The following KLHL4 variants were observed in gnomAD, a reference collection of about 807,000 sequenced individuals.
KLHL4 encodes kelch-like protein 4.
KLHL4 carries 17 observed loss-of-function variants against 45.8 expected under a neutral mutation model. That is an observed-to-expected ratio of 0.37 (90% CI 0.25 to 0.56). KLHL4 has a LOEUF of 0.56. Among genes scored for constraint, KLHL4 ranks in the 20% least tolerant of loss-of-function variants. The pLI is 0.79. For missense variants in KLHL4, 544 were observed against 544.9 expected (o/e 1.00, Z 0.02); for synonymous variants, 224 against 189.9 (o/e 1.18, Z -1.47).
At chrX:87,633,993 T>C in intron 8 of KLHL4, 82 bp downstream of exon 8, 1 of 803,690 alleles carries the variant, frequency 1.2e-6, no homozygotes. Context: ...TCCAATCAAT[T>C]AGCATTCCAA....
At chrX:87,616,793 T>C (rs1922570766) in intron 3 of KLHL4, among the ~76,000 whole-genome samples, 1 of 111,588 alleles carries the variant, frequency 9.0e-6, no homozygotes, top group Non-Finnish European at 1.9e-5. Context: ...TCTCATGAGA[T>C]ATGGGCAGGG....
intron 1 of KLHL4, among the ~76,000 whole-genome samples, chrX:87,599,379 T>C (rs1019510935): frequency 1.8e-5 from 2 of 111,672 alleles, no homozygotes; most frequent in African/African-American, 6.5e-5. Flanking sequence ...AAACTCAGCC[T>C]AGAAAGTATA....
chrX:87,623,409 T>G lies in KLHL4; in HGVS notation c.1137+986T>G, dbSNP rs376194782. 1.2e-4 allele frequency among the ~76,000 whole-genome samples: 12 copies of G among 102,205 alleles called. No individual in the cohort carries two copies. The East Asian group carries it at 2.7e-3, about 23-fold the overall frequency. 88.8% of individuals were successfully genotyped at this position (102,205 alleles called of 115,157 possible). A position where few individuals can be genotyped will look rare whatever the true frequency, so the allele number is the denominator to read the frequency against. On this transcript the variant is annotated intron_variant, in intron 5 of 10. Transcript: ENST00000373119. ...CCCTAGTTCAAGCGATTCTCCTGCC[T>G]CAGCCTCCCAAGTAGCTGGGATTAC... is the stretch of plus-strand genomic sequence containing the variant.
rs1234054923 is a variant in KLHL4 at position 87,635,775 on chromosome X, G to A, written c.1925G>A (p.Arg642Gln). Residue 642 changes from arginine to glutamine, a missense_variant and splice_region_variant, in exon 9 of 11, where the codon CGG (arginine) becomes CAG (glutamine). By Grantham distance (43) the Arg-to-Gln change is conservative (BLOSUM62 1). Coordinates refer to ENST00000373119, the MANE Select transcript of KLHL4 (RefSeq NM_019117.5). ...HCSRLSDCVE[R>Q]YDPKGDSWST... ...TCCAGGCTTTCTGACTGTGTGGAAC[G>A]GTAAGTTTTTTCTATTTCCTTCTGT... The A allele has an allele frequency of 1.3e-5, 15 of 1,131,342 alleles. No homozygotes were observed. The highest frequency in any genetic ancestry group is 9.3e-5 in the East Asian group (3 of 32,189). The allele number at this position is 1,131,342 out of a possible 1,213,427, so 93.2% of individuals were successfully genotyped here. A position where few individuals can be genotyped will look rare whatever the true frequency, so the allele number is the denominator to read the frequency against.
At chrX:87,535,361 G>A (rs1931405402) in intron 1 of KLHL4, among the ~76,000 whole-genome samples, 1 of 111,808 alleles carries the variant, frequency 8.9e-6, no homozygotes, top group Non-Finnish European at 1.9e-5. Flanking sequence ...GAAGATACTA[G>A]AAAGTGCTTA....
chrX:87,533,560 G>A (rs193121332), intron 1 of KLHL4, among the ~76,000 whole-genome samples: 2 of 102,764 alleles, frequency 1.9e-5, no homozygotes, highest in East Asian at 3.1e-4. Context: ...GTTGTGGGGT[G>A]GGGTGAGGGG....
chrX:87,576,293 C>T (rs1167219393), intron 1 of KLHL4, among the ~76,000 whole-genome samples: 1 of 111,301 alleles, frequency 9.0e-6, no homozygotes, highest in Non-Finnish European at 1.9e-5. Context: ...CTGAAAAATA[C>T]ATTATATGTA....
chrX:87,667,014 C>T lies in KLHL4; in HGVS notation c.*480C>T. 1.4e-6 allele frequency: 1 copy of T among 727,826 alleles called. No individual in the cohort carries two copies. The highest frequency in any genetic ancestry group is 8.0e-4 in the Middle Eastern group (1 of 1,251). 60.0% of individuals were successfully genotyped at this position (727,826 alleles called of 1,213,427 possible). On this transcript the variant is annotated 3_prime_UTR_variant, in exon 11 of 11. Transcript: ENST00000373119. ...TGATTTTTAGTAAGCCATTATTCTC[C>T]TATTCAAATAATATCCCAAAGAGCT...
At chrX:87,580,914 C>T (rs751628064) in intron 1 of KLHL4, among the ~76,000 whole-genome samples, 12 of 111,906 alleles carry the variant, frequency 1.1e-4, no homozygotes, top group Non-Finnish European at 2.1e-4. Context: ...TCCAGCCACC[C>T]CCACTCACAT....
chrX:87,668,932 C>G lies in KLHL4; in HGVS notation c.*2398C>G, dbSNP rs778343855. On this transcript the variant is annotated 3_prime_UTR_variant, in exon 11 of 11. Transcript: ENST00000373119. ...TTAAGCCTCAGAAAATGAACTAAGA[C>G]AATGCCCTAGATGAGCTGCCAAAAT... 1 of 753,924 alleles carries G rather than the reference C, an allele frequency of 1.3e-6. No homozygotes were observed. The allele number at this position is 753,924 out of a possible 1,213,427, so 62.1% of individuals were successfully genotyped here.
rs181722308 is a variant in KLHL4, at chrX:87,581,236, C to T, written c.423-32641C>T. On this transcript the variant is annotated intron_variant, in intron 1 of 10. Coordinates refer to ENST00000373119, the MANE Select transcript of KLHL4 (RefSeq NM_019117.5). Reference sequence around the variant, plus strand: ...CTAATTTCTCCCTGGGGTGGAGTGCCGGGGGGTGGGGAAGACCACCATGTT... The same window carrying T: ...CTAATTTCTCCCTGGGGTGGAGTGCTGGGGGGTGGGGAAGACCACCATGTT... Among the ~76,000 whole-genome samples, 6 of 111,961 alleles carry T rather than the reference C, an allele frequency of 5.4e-5. No homozygotes were observed. The East Asian group carries it at 8.5e-4, about 16-fold the overall frequency.
chrX:87,625,720 G>A lies in KLHL4; in HGVS notation c.1248G>A (p.Met416Ile). The change falls in exon 6 of 11, where the codon ATG becomes ATA. Residue 416 changes from methionine (M) to isoleucine (I), a missense_variant. By Grantham distance (10) the Met-to-Ile change is conservative. Transcript: ENST00000373119. ...YHLLPERRSM[M>I]QSPRTKPRKS... ...TTTTGCCTGAGAGAAGATCCATGAT[G>A]CAAAGCCCTCGGACAAAGCCTAGAA... is the stretch of plus-strand genomic sequence containing the variant. The A allele has an allele frequency of 8.3e-7, 1 of 1,210,003 alleles. No individual in the cohort carries two copies. Among genetic ancestry groups the A allele is most frequent in the South Asian group, 1.8e-5 (1 of 56,851 alleles).
chrX:87,542,465 C>T (rs1931579879), intron 1 of KLHL4, among the ~76,000 whole-genome samples: 1 of 112,273 alleles, frequency 8.9e-6, no homozygotes, highest in Admixed American at 9.4e-5. Context: ...GCCTTGGGAG[C>T]CCAGACCTTG....
chrX:87,551,900 A>G (rs1931834211), intron 1 of KLHL4, among the ~76,000 whole-genome samples: 1 of 111,839 alleles, frequency 8.9e-6, no homozygotes, highest in African/African-American at 3.2e-5. Context: ...ACAAAAATCA[A>G]CTCAAGAGGG....
chrX:87,546,055 AC>A (rs1351282054), intron 1 of KLHL4, among the ~76,000 whole-genome samples: 2 of 111,726 alleles, frequency 1.8e-5, no homozygotes, highest in East Asian at 5.6e-4. Flanking sequence ...GAAAACAAAA[AC>A]AAAAAACAAC....
intron 1 of KLHL4, among the ~76,000 whole-genome samples, chrX:87,574,869 C>T (rs955219783): frequency 9.0e-6 from 1 of 111,628 alleles, no homozygotes; most frequent in Non-Finnish European, 1.9e-5. Flanking sequence ...AACATGTGTG[C>T]CACTGTTCTG....
At chrX:87,639,667 A>G (rs1923386485) in intron 9 of KLHL4, among the ~76,000 whole-genome samples, 1 of 111,056 alleles carries the variant, frequency 9.0e-6, no homozygotes, top group African/African-American at 3.3e-5. Context: ...CTGAACAATA[A>G]TAATAATATA....
At chrX:87,554,034 G>A (rs1334646934) in intron 1 of KLHL4, among the ~76,000 whole-genome samples, 3 of 105,497 alleles carry the variant, frequency 2.8e-5, no homozygotes, top group South Asian at 9.1e-4. Context: ...TTGTAGATAT[G>A]CGGCATTATT....
intron 1 of KLHL4, among the ~76,000 whole-genome samples, chrX:87,582,372 C>CT (rs914607736): frequency 3.6e-5 from 4 of 111,648 alleles, no homozygotes; most frequent in African/African-American, 6.5e-5. Context: ...GCGAGCCTGT[C>CT]TGAGTATTTT....
Sources: gnomAD v4.1 joint callset for allele counts (sites outside exome capture counted in the v4.1 genomes callset) on GRCh38, gnomAD v4.1.1 for gene constraint, MANE v1.5 for transcripts, NCBI Gene and HGNC (gene_info 2026-07-23, HGNC 2026-07-21) for gene names.